ADAM22: variants seen among roughly 807,000 people sequenced by gnomAD.
ADAM22 encodes ADAM metallopeptidase domain 22, also known as disintegrin and metalloproteinase domain-containing protein 22.
A neutral mutation model predicts 144.6 loss-of-function variants in ADAM22; 65 were observed. The ratio of observed to expected loss-of-function variants is 0.45; its 90% confidence interval spans 0.37 to 0.55. The LOEUF is 0.55. Ranked by LOEUF, ADAM22 falls within the 20% of genes least tolerant of loss-of-function variation. The pLI, the probability that ADAM22 is intolerant of heterozygous loss-of-function variation, is 0.00. For missense variants in ADAM22, 974 were observed against 1,184.9 expected (o/e 0.82, Z 2.61); for synonymous variants, 391 against 412.6 (o/e 0.95, Z 0.63).
chr7:88,133,456 G>C (rs192816607), intron 12 of ADAM22, among the ~76,000 whole-genome samples: 1 of 151,868 alleles, frequency 6.6e-6, no homozygotes, highest in East Asian at 1.9e-4. Context: ...AGGACAGACT[G>C]GGGAAATAAT....
chr7:88,006,701 G>A (rs377003230), intron 3 of ADAM22, among the ~76,000 whole-genome samples: 85 of 148,776 alleles, frequency 5.7e-4, no homozygotes, highest in African/African-American at 1.9e-3. Flanking sequence ...AAATTCAACA[G>A]CCCTTCATGC....
At chr7:87,974,895 C>A (rs1344939137) in intron 2 of ADAM22, among the ~76,000 whole-genome samples, 2 of 152,168 alleles carry the variant, frequency 1.3e-5, no homozygotes, top group East Asian at 3.8e-4. Context: ...TCTTAGCACT[C>A]TGATCTCTAC....
rs2129526273 is a variant in ADAM22, at chr7:88,151,286, C to T, written c.1647C>T (p.Thr549=). The change falls in exon 20 of 32, where the codon ACC becomes ACT. Residue 549 remains threonine, a synonymous_variant. Transcript: ENST00000413139. ...TTTGCTTTGGAGGAAGATGCAAAAC[C>T]AGAGATAGACAATGCAAATACATTT... ...QGICFGGRCK[T]RDRQCKYIWG... The T allele has an allele frequency of 6.2e-7, 1 of 1,614,022 alleles. No homozygotes were observed. The highest frequency in any genetic ancestry group is 8.5e-7 in the Non-Finnish European group (1 of 1,179,990).
At chr7:88,067,328 G>A in intron 3 of ADAM22, among the ~76,000 whole-genome samples, 1 of 150,908 alleles carries the variant, frequency 6.6e-6, no homozygotes, top group Non-Finnish European at 1.5e-5. Context: ...CATGTGCCAT[G>A]CTGGTGTGCT....
rs1293890488 is a variant in ADAM22, at chr7:88,086,316, T to A, written c.390+10624T>A. Among the ~76,000 whole-genome samples the A allele has an allele frequency of 3.3e-5, 5 of 152,376 alleles. No homozygotes were observed. In the East Asian group the frequency reaches 9.6e-4, roughly 29 times the overall value. On this transcript the variant is annotated intron_variant, in intron 4 of 31. Coordinates refer to ENST00000413139, the MANE Select transcript of ADAM22 (RefSeq NM_001324418.2). Reference sequence around the variant, plus strand: ...GATTTTGATGTTGATTGCAATTTTGTATTTAGTGTAAAAACAGACACATTT... The same window carrying A: ...GATTTTGATGTTGATTGCAATTTTGAATTTAGTGTAAAAACAGACACATTT...
chr7:88,154,291 T>C (rs2129527222), intron 21 of ADAM22, among the ~76,000 whole-genome samples: 1 of 152,286 alleles, frequency 6.6e-6, no homozygotes, highest in East Asian at 1.9e-4. Context: ...TATTCAACAA[T>C]TGTCCCCAAC....
intron 27 of ADAM22, 91 bp from the exon 28 acceptor site, chr7:88,181,414 T>C (rs1586566135): frequency 1.1e-6 from 1 of 946,434 alleles, no homozygotes; most frequent in East Asian, 2.6e-5. Flanking sequence ...TTTTATTTAA[T>C]GCACAGTAAT....
At chr7:88,091,466 G>A (rs1353996619) in intron 4 of ADAM22, among the ~76,000 whole-genome samples, 1 of 152,094 alleles carries the variant, frequency 6.6e-6, no homozygotes, top group African/African-American at 2.4e-5. Context: ...ATATTCAGAT[G>A]AGATCAATAC....
chr7:87,988,348 ACAC>A (rs1788958727), intron 3 of ADAM22, among the ~76,000 whole-genome samples: 1 of 152,146 alleles, frequency 6.6e-6, no homozygotes, highest in Admixed American at 6.5e-5. Flanking sequence ...TACTAATATA[ACAC>A]TATGGGATTT....
At chr7:88,175,588 A>G (rs760158693) in intron 26 of ADAM22, among the ~76,000 whole-genome samples, 2 of 152,194 alleles carry the variant, frequency 1.3e-5, no homozygotes, top group Non-Finnish European at 2.9e-5. Flanking sequence ...ACTAAAAATC[A>G]TACATGTCTA....
chr7:88,103,934 G>A (rs1052583104), intron 4 of ADAM22, among the ~76,000 whole-genome samples: 2 of 152,050 alleles, frequency 1.3e-5, no homozygotes, highest in African/African-American at 2.4e-5. Context: ...AAACATGTAA[G>A]TGCAAAAAAT....
chr7:87,986,578 A>C (rs1788545188), intron 3 of ADAM22, among the ~76,000 whole-genome samples: 1 of 152,212 alleles, frequency 6.6e-6, no homozygotes, highest in African/African-American at 2.4e-5. Flanking sequence ...CTCATGGGTG[A>C]GGAGGATACT....
chr7:88,153,174 G>A, intron 20 of ADAM22, 47 bp from the exon 21 acceptor site: 1 of 1,386,512 alleles, frequency 7.2e-7, no homozygotes, highest in South Asian at 1.2e-5. Flanking sequence ...CTTTTGAGCA[G>A]CCAAATCGTA....
chr7:88,049,468 G>A (rs554788814), intron 3 of ADAM22, among the ~76,000 whole-genome samples: 2 of 151,956 alleles, frequency 1.3e-5, no homozygotes, highest in East Asian at 1.9e-4. Flanking sequence ...GCACAATCTT[G>A]GCTCACTGCA....
intron 7 of ADAM22, among the ~76,000 whole-genome samples, chr7:88,120,872 C>G (rs542341767): frequency 3.5e-4 from 54 of 152,154 alleles, no homozygotes; most frequent in African/African-American, 1.3e-3. Flanking sequence ...GTGTTTTCTT[C>G]TAAAAACTCT....
chr7:88,022,391 G>A (rs1176231362), intron 3 of ADAM22, among the ~76,000 whole-genome samples: 1 of 152,134 alleles, frequency 6.6e-6, no homozygotes, highest in Non-Finnish European at 1.5e-5. Flanking sequence ...ACTAATATGT[G>A]CTAAATGATT....
At chr7:88,054,348 T>C (rs886710923) in intron 3 of ADAM22, among the ~76,000 whole-genome samples, 1 of 152,144 alleles carries the variant, frequency 6.6e-6, no homozygotes, top group African/African-American at 2.4e-5. Flanking sequence ...TGTTTTTGGC[T>C]TCCCCGTAGG....
intron 7 of ADAM22, among the ~76,000 whole-genome samples, chr7:88,117,608 C>T (rs1229664979): frequency 2.0e-5 from 3 of 151,942 alleles, no homozygotes; most frequent in Non-Finnish European, 2.9e-5. Flanking sequence ...TGAAGACAGA[C>T]AGCACACTGA....
intron 3 of ADAM22, among the ~76,000 whole-genome samples, chr7:88,069,120 A>G (rs543772589): frequency 4.7e-5 from 7 of 150,174 alleles, no homozygotes; most frequent in Admixed American, 1.3e-4. Flanking sequence ...GCTCGCTCTC[A>G]CCCTCTCTTG....
Sources: allele counts gnomAD v4.1 joint callset (sites outside exome capture counted in the v4.1 genomes callset), GRCh38; gene constraint gnomAD v4.1.1; transcripts MANE v1.5; gene names NCBI Gene and HGNC (gene_info 2026-07-23, HGNC 2026-07-21).